The following CLNS1A variants were observed in gnomAD, a reference collection of about 807,000 sequenced individuals.
CLNS1A encodes the protein methylosome subunit pICln.
In CLNS1A, 16 loss-of-function variants were observed where a neutral mutation model predicts 29.4. The ratio of observed to expected loss-of-function variants is 0.54; its 90% CI spans 0.37 to 0.83. CLNS1A has a LOEUF of 0.83. Among genes scored for constraint, CLNS1A ranks in the 40% least tolerant of loss-of-function variants. The probability of loss-of-function intolerance (pLI) is 0.00; values close to 1 mark genes in which losing one functional copy is unlikely to be tolerated. For synonymous variants in CLNS1A, 96 were observed against 104.8 expected (o/e 0.92, Z 0.51); for missense variants, 235 against 287.4 (o/e 0.82, Z 1.32).
chr11:77,626,241 C>T (rs1959017640), intron 2 of CLNS1A, among the ~76,000 whole-genome samples: 1 of 152,172 alleles, frequency 6.6e-6, no homozygotes, highest in Non-Finnish European at 1.5e-5. Flanking sequence ...CACTTGCCAC[C>T]ACACCCTGCT....
intron 6 of CLNS1A, among the ~76,000 whole-genome samples, chr11:77,617,674 C>A (rs1161003373): frequency 6.6e-6 from 1 of 151,976 alleles, no homozygotes; most frequent in African/African-American, 2.4e-5. Flanking sequence ...AATCCCAGCA[C>A]TTTGAGAGGC....
intron 6 of CLNS1A, among the ~76,000 whole-genome samples, chr11:77,617,485 T>C (rs1306664666): frequency 6.8e-6 from 1 of 148,024 alleles, no homozygotes; most frequent in Non-Finnish European, 1.5e-5. Flanking sequence ...GAGGTTGCAA[T>C]GAACCAAGTT....
intron 4 of CLNS1A, among the ~76,000 whole-genome samples, chr11:77,624,369 T>G (rs1467978822): frequency 6.6e-6 from 1 of 152,154 alleles, no homozygotes; most frequent in Non-Finnish European, 1.5e-5. Context: ...TAAAAGACTT[T>G]CCTGACCATC....
chr11:77,629,703 CT>C, intron 2 of CLNS1A, 59 bp downstream of exon 2: 2 of 1,570,070 alleles, frequency 1.3e-6, no homozygotes, highest in African/African-American at 1.4e-5. Flanking sequence ...CTCAAAGACT[CT>C]TTTTTAAAAT....
chr11:77,628,711 T>C (rs1489018988), intron 2 of CLNS1A, among the ~76,000 whole-genome samples: 2 of 152,218 alleles, frequency 1.3e-5, no homozygotes, highest in Non-Finnish European at 2.9e-5. Flanking sequence ...TGTAGGTAAC[T>C]TCATAGGATT....
At chr11:77,623,758 G>C (rs1238411017) in intron 4 of CLNS1A, among the ~76,000 whole-genome samples, 1 of 152,188 alleles carries the variant, frequency 6.6e-6, no homozygotes, top group Non-Finnish European at 1.5e-5. Context: ...ACATATGAAG[G>C]AAAGGGCTTT....
rs1379960716 is a variant in CLNS1A, at chr11:77,637,759, A to G, written c.-45T>C. ...ACAGGCCCTGAGGGAGTTGGAGCAC[A>G]GCAATGCGTGCACCACACCGCCCGC... On this transcript the variant is annotated 5_prime_UTR_variant, in exon 1 of 7. Coordinates refer to ENST00000525428, the MANE Select transcript of CLNS1A (RefSeq NM_001293.3). 2.6e-6 allele frequency: 4 copies of G among 1,531,332 alleles called. No homozygotes were observed. The highest frequency in any genetic ancestry group is 2.5e-5 in the East Asian group (1 of 40,272). 94.9% of individuals were successfully genotyped at this position (1,531,332 alleles called of 1,614,324 possible).
rs1165723092 is a variant in CLNS1A, at chr11:77,618,795, A to T, written c.*22+811T>A. The stretch of plus-strand genomic sequence containing the variant: ...TAAAATCTGTATCAGAAGAAAAGAG[A>T]AGGAATTCTGAAATATTTATCATTG... On this transcript the variant is annotated intron_variant, in intron 6 of 6. Transcript: ENST00000525428. 2.6e-5 allele frequency: 4 copies of T among 152,252 alleles called. No homozygotes were observed. The South Asian group carries it at 6.2e-4, about 24-fold the overall frequency. 9.4% of individuals were successfully genotyped at this position (152,252 alleles called of 1,614,324 possible).
rs532209978 is a variant in CLNS1A at position 77,628,102 on chromosome 11, G to A, written c.262+1661C>T. ...GCCTCCCAAAGTGTTGGGATTACAG[G>A]TTTGAGCCACTGTGCCCGGCCTAAT... On this transcript the variant is annotated intron_variant, in intron 2 of 6. Transcript: ENST00000525428. Among the ~76,000 whole-genome samples, 5 of 152,312 alleles carry A rather than the reference G, an allele frequency of 3.3e-5. No individual in the cohort carries two copies. In the East Asian group the frequency reaches 9.6e-4, roughly 29 times the overall value.
intron 1 of CLNS1A, among the ~76,000 whole-genome samples, chr11:77,631,578 A>T (rs1959075280): frequency 6.6e-6 from 1 of 151,968 alleles, no homozygotes. Context: ...CGGCCTCCCA[A>T]AGTGCTGGGA....
At position 77,626,812 on chromosome 11, in the gene CLNS1A, C is replaced by A. The variant is rs569280509; in HGVS notation, c.263-994G>T. Among the ~76,000 whole-genome samples, 153 of 151,502 alleles carry A rather than the reference C, an allele frequency of 1.0e-3. 1 individual carries two copies. In the South Asian group the frequency reaches 0.017, roughly 16 times the overall value. ...GTTCACCCCATTCTCCTGCCTCAGCCTCCTGAGTAGCTGGGACTACAGGCG... is the reference window on the plus strand; with the variant it reads ...GTTCACCCCATTCTCCTGCCTCAGCATCCTGAGTAGCTGGGACTACAGGCG... On this transcript the variant is annotated intron_variant, in intron 2 of 6. Transcript: ENST00000525428.
At chr11:77,630,529 T>C (rs1344013373) in intron 1 of CLNS1A, among the ~76,000 whole-genome samples, 1 of 152,148 alleles carries the variant, frequency 6.6e-6, no homozygotes, top group Non-Finnish European at 1.5e-5. Context: ...AGTCAGGAAA[T>C]AATTATTACC....
intron 2 of CLNS1A, among the ~76,000 whole-genome samples, chr11:77,628,304 A>AAATG (rs1959041736): frequency 6.6e-6 from 1 of 152,240 alleles, no homozygotes; most frequent in Non-Finnish European, 1.5e-5. Context: ...GCATTTCTGC[A>AAATG]AATGAATGAA....
Position 77,622,878 on chromosome 11 carries a change from G to A in CLNS1A, c.473-205C>T, listed in dbSNP as rs112816338. Among the ~76,000 whole-genome samples, 1,307 of 151,480 alleles carry A rather than the reference G, an allele frequency of 8.6e-3. 18 individuals carry two copies. Among genetic ancestry groups the A allele is most frequent in the African/African-American group, 0.028 (1,159 of 41,264 alleles). ...CAGGAGAATCGCTTGAACCACAGAG[G>A]TGGAGGTTGCAGTGAACCGAGATCA... On this transcript the variant is annotated intron_variant, in intron 4 of 6. Coordinates refer to ENST00000525428, the MANE Select transcript of CLNS1A (RefSeq NM_001293.3).
rs1240835311 is a variant in CLNS1A, at chr11:77,620,612, AAC to A, written c.647-919_647-918del. 2.6e-5 allele frequency among the ~76,000 whole-genome samples: 4 copies of A among 152,144 alleles called. No homozygotes were observed. The East Asian group carries it at 7.7e-4, about 29-fold the overall frequency. On this transcript the variant is annotated intron_variant, in intron 5 of 6. Coordinates refer to ENST00000525428, the MANE Select transcript of CLNS1A (RefSeq NM_001293.3). ...TCAGGAGTTTGAGACCAGCCTGGCC[AAC>A]ATGGCAAAACCCCATGGCGAAATCT... is the stretch of plus-strand genomic sequence containing the variant.
chr11:77,634,661 T>C (rs1009683188), intron 1 of CLNS1A, among the ~76,000 whole-genome samples: 2 of 149,924 alleles, frequency 1.3e-5, no homozygotes, highest in Non-Finnish European at 3.0e-5. Flanking sequence ...GAGGCGGAGC[T>C]TGCAGTGAGC....
At chr11:77,630,011 T>C in intron 1 of CLNS1A, 112 bp from the exon 2 acceptor site, 1 of 877,238 alleles carries the variant, frequency 1.1e-6, no homozygotes, top group Non-Finnish European at 1.6e-6. Context: ...TAAATTCAAG[T>C]TTACTTTTTT....
chr11:77,615,404 T>G lies in CLNS1A; in HGVS notation c.*1314A>C, dbSNP rs916336966. 1 of 152,166 alleles carries G rather than the reference T, an allele frequency of 6.6e-6. No homozygotes were observed. Among genetic ancestry groups the G allele is most frequent in the African/African-American group, 2.4e-5 (1 of 41,442 alleles). 9.4% of individuals were successfully genotyped at this position (152,166 alleles called of 1,614,324 possible). On this transcript the variant is annotated 3_prime_UTR_variant, in exon 7 of 7. Transcript: ENST00000525428. ...CTGTATGATGTTTTAAAGCACAGGCTCAAAAATCACAATTCACTATCTACA... is the reference window on the plus strand; with the variant it reads ...CTGTATGATGTTTTAAAGCACAGGCGCAAAAATCACAATTCACTATCTACA...
At chr11:77,635,790 C>T (rs1280408862) in intron 1 of CLNS1A, among the ~76,000 whole-genome samples, 1 of 152,220 alleles carries the variant, frequency 6.6e-6, no homozygotes, top group Admixed American at 6.5e-5. Flanking sequence ...TGTATCTGTG[C>T]TCCATCTTCC....
Sources: allele counts gnomAD v4.1 joint callset (sites outside exome capture counted in the v4.1 genomes callset), GRCh38; gene constraint gnomAD v4.1.1; transcripts MANE v1.5; gene names NCBI Gene and HGNC (gene_info 2026-07-23, HGNC 2026-07-21).